NCAM2: variants seen among roughly 807,000 people sequenced by gnomAD.
NCAM2 encodes the protein neural cell adhesion molecule 2, also known as N-CAM-2.
In NCAM2, 30 loss-of-function variants were observed where a neutral mutation model predicts 98.1. That is an observed-to-expected ratio of 0.31 (90% CI 0.23 to 0.41). The LOEUF is 0.41. NCAM2 is among the 10% of genes least tolerant of loss of function. NCAM2 has a pLI of 1.00. For missense variants in NCAM2, 867 were observed against 1,005.8 expected, an observed-to-expected ratio of 0.86 and a Z score of 1.87; for synonymous variants, 368 against 342.4, an observed-to-expected ratio of 1.07 and a Z score of -0.83.
At chr21:21,083,022 A>C (rs1465588335) in intron 1 of NCAM2, among the ~76,000 whole-genome samples, 1 of 152,198 alleles carries the variant, frequency 6.6e-6, no homozygotes, top group Non-Finnish European at 1.5e-5. Flanking sequence ...CTATCAAAGC[A>C]TTTGTCAGAA....
chr21:21,117,525 T>G (rs2066588579), intron 1 of NCAM2, among the ~76,000 whole-genome samples: 1 of 152,182 alleles, frequency 6.6e-6, no homozygotes, highest in Admixed American at 6.5e-5. Context: ...TATATTTATG[T>G]TTCATATATA....
chr21:21,534,728 A>T, intron 17 of NCAM2, 72 bp downstream of exon 17: 1 of 1,225,622 alleles, frequency 8.2e-7, no homozygotes, highest in Non-Finnish European at 1.1e-6. Context: ...TTATTGTTGT[A>T]TTACATATTT....
chr21:21,119,810 CAG>C (rs2066634962), intron 1 of NCAM2, among the ~76,000 whole-genome samples: 1 of 152,064 alleles, frequency 6.6e-6, no homozygotes, highest in South Asian at 2.1e-4. Context: ...CTTATGAAAA[CAG>C]AAATTAGTAT....
At chr21:21,261,478 TA>T (rs1357861734) in intron 1 of NCAM2, among the ~76,000 whole-genome samples, 1 of 152,116 alleles carries the variant, frequency 6.6e-6, no homozygotes, top group Non-Finnish European at 1.5e-5. Flanking sequence ...TTCAAAAGGA[TA>T]AAAATTATGC....
At chr21:21,184,402 TGGTACTTTAAA>T (rs1257833632) in intron 1 of NCAM2, among the ~76,000 whole-genome samples, 1 of 152,120 alleles carries the variant, frequency 6.6e-6, no homozygotes, top group African/African-American at 2.4e-5. Flanking sequence ...GAGTACATTT[TGGTACTTTAAA>T]GGCTGGTAGC....
chr21:21,126,569 C>A lies in NCAM2; in HGVS notation c.55+127951C>A, dbSNP rs541864571. Among the ~76,000 whole-genome samples the A allele has an allele frequency of 6.6e-5, 10 of 151,906 alleles. No homozygotes were observed. In the East Asian group the frequency reaches 1.9e-3, roughly 29 times the overall value. ...CTACCTATTTGTGTTTGTGTGTATT[C>A]TAATTGTATGTGTGTGCAGATTGTG... is the stretch of plus-strand genomic sequence containing the variant. On this transcript the variant is annotated intron_variant, in intron 1 of 17. Transcript: ENST00000400546.
At chr21:21,091,651 G>A (rs2066014547) in intron 1 of NCAM2, among the ~76,000 whole-genome samples, 1 of 152,026 alleles carries the variant, frequency 6.6e-6, no homozygotes, top group Non-Finnish European at 1.5e-5. Context: ...CTTTACTGAG[G>A]ATAACAAATA....
intron 1 of NCAM2, among the ~76,000 whole-genome samples, chr21:21,159,809 T>G (rs1043566975): frequency 1.3e-5 from 2 of 152,028 alleles, no homozygotes; most frequent in Non-Finnish European, 2.9e-5. Context: ...TGTGCATATA[T>G]TGTGTATGTG....
At chr21:21,034,917 C>A (rs1465918302) in intron 1 of NCAM2, among the ~76,000 whole-genome samples, 1 of 152,100 alleles carries the variant, frequency 6.6e-6, no homozygotes, top group Non-Finnish European at 1.5e-5. Context: ...TGGAACTTTT[C>A]ATAAGAAATC....
At chr21:21,272,796 AT>A (rs1346441025) in intron 1 of NCAM2, among the ~76,000 whole-genome samples, 1 of 152,186 alleles carries the variant, frequency 6.6e-6, no homozygotes, top group Non-Finnish European at 1.5e-5. Flanking sequence ...GGATTAAGGA[AT>A]AAGGTAAGAC....
At chr21:21,272,975 TCACACACATA>T (rs1277555315) in intron 1 of NCAM2, among the ~76,000 whole-genome samples, 11 of 20,152 alleles carry the variant, frequency 5.5e-4, no homozygotes, top group Non-Finnish European at 1.1e-3. Context: ...GGACATGCAT[TCACACACATA>T]CACACACACA....
chr21:21,373,993 G>A lies in NCAM2; in HGVS notation c.1175G>A (p.Ser392Asn). ...AGCAGAATTGGAGGGCATCAAAAGA[G>A]CATGTACCTTGATATTGAATGTAAG... ...AASRIGGHQK[S>N]MYLDIEYAPK... Residue 392 changes from serine (S) to asparagine (N), a missense_variant, in exon 9 of 18, where the codon AGC (serine) becomes AAC (asparagine). This residue lies in a region of NCAM2 where 447 missense variants were observed against 495.7 expected (regional missense o/e 0.90). Transcript: ENST00000400546. The A allele has an allele frequency of 1.2e-6, 2 of 1,608,692 alleles. No homozygotes were observed. Among genetic ancestry groups the A allele is most frequent in the Non-Finnish European group, 1.7e-6 (2 of 1,177,384 alleles).
At chr21:21,119,869 G>A (rs544777742) in intron 1 of NCAM2, among the ~76,000 whole-genome samples, 2 of 152,302 alleles carry the variant, frequency 1.3e-5, no homozygotes, top group East Asian at 3.9e-4. Flanking sequence ...AACATTAATA[G>A]ATAAGTGTGA....
At chr21:21,372,722 C>G (rs1488731429) in intron 8 of NCAM2, among the ~76,000 whole-genome samples, 1 of 151,722 alleles carries the variant, frequency 6.6e-6, no homozygotes, top group Non-Finnish European at 1.5e-5. Flanking sequence ...TCTAACTTTC[C>G]TAGGAATCAC....
intron 1 of NCAM2, among the ~76,000 whole-genome samples, chr21:21,200,030 A>G (rs1451364300): frequency 6.6e-6 from 1 of 152,058 alleles, no homozygotes; most frequent in East Asian, 1.9e-4. Context: ...CTGCCCCCGA[A>G]TTGTCAGGGA....
At chr21:21,375,693 C>T (rs2076017592) in intron 9 of NCAM2, among the ~76,000 whole-genome samples, 1 of 150,894 alleles carries the variant, frequency 6.6e-6, no homozygotes, top group South Asian at 2.1e-4. Flanking sequence ...TTTATTTAAA[C>T]CAAAATTTAC....
At chr21:21,434,976 G>T (rs1037998392) in intron 12 of NCAM2, among the ~76,000 whole-genome samples, 11 of 152,126 alleles carry the variant, frequency 7.2e-5, no homozygotes, top group Non-Finnish European at 1.3e-4. Context: ...CCTTGGGGAT[G>T]TGTGACTGGA....
intron 5 of NCAM2, among the ~76,000 whole-genome samples, chr21:21,310,927 C>G (rs2074029656): frequency 6.6e-6 from 1 of 152,168 alleles, no homozygotes; most frequent in Non-Finnish European, 1.5e-5. Context: ...TTTAGAACAG[C>G]TTTATAGTAA....
chr21:21,477,023 C>A (rs1985258108), intron 14 of NCAM2, among the ~76,000 whole-genome samples: 1 of 151,484 alleles, frequency 6.6e-6, no homozygotes. Flanking sequence ...AAAAAAAATC[C>A]TAATGGAGGT....
Sources: allele counts gnomAD v4.1 joint callset (sites outside exome capture counted in the v4.1 genomes callset), GRCh38; gene constraint gnomAD v4.1.1; regional missense constraint gnomAD v4.1.1; transcripts MANE v1.5; gene names NCBI Gene and HGNC (gene_info 2026-07-23, HGNC 2026-07-21).